The following TAL1 variants were observed in gnomAD, a reference collection of about 807,000 sequenced individuals.
TAL1 encodes T-cell acute lymphocytic leukemia protein 1.
In TAL1, 8 loss-of-function variants were observed where a neutral mutation model predicts 17.9. The observed-to-expected ratio is 0.45, with a 90% CI of 0.26 to 0.81. The LOEUF is 0.81. TAL1 is among the 30% of genes least tolerant of loss of function. TAL1 has a pLI of 0.17. For synonymous variants in TAL1, 223 were observed against 218.6 expected (o/e 1.02, Z -0.18); for missense variants, 466 against 486.9 (o/e 0.96, Z 0.40).
At position 47,221,011 on chromosome 1, in the gene TAL1, G is replaced by A. The variant is rs969491388; in HGVS notation, c.542-837C>T. On this transcript the variant is annotated intron_variant, in intron 3 of 3. Transcript: ENST00000294339. ...AGGAAGAAGAGTATCCAAGCCAAGGGAATGCACAGGCCCTGCACTAGACAA... is the reference window on the plus strand; with the variant it reads ...AGGAAGAAGAGTATCCAAGCCAAGGAAATGCACAGGCCCTGCACTAGACAA... Among the ~76,000 whole-genome samples the A allele has an allele frequency of 5.3e-5, 8 of 152,248 alleles. No individual in the cohort carries two copies. In the South Asian group the frequency reaches 1.7e-3, roughly 31 times the overall value.
At chr1:47,224,226 A>G in intron 2 of TAL1, 128 bp from the exon 4 acceptor site, 1 of 723,742 alleles carries the variant, frequency 1.4e-6, no homozygotes, top group East Asian at 2.6e-5. Context: ...TTCACACTTG[A>G]GCTGGGAATA....
chr1:47,224,443 A>T (rs1643878113), intron 2 of TAL1, among the ~76,000 whole-genome samples: 1 of 151,948 alleles, frequency 6.6e-6, no homozygotes. Context: ...ACAGATAGAA[A>T]CACTCTCCAT....
At position 47,225,809 on chromosome 1, in the gene TAL1, G is replaced by A. The variant is rs200636503; in HGVS notation, c.80C>T (p.Ala27Val). ...GTTCAGCAGGACCAGGTGCGGGGGGGCCATGCTGGCCTCGGCCGCGTCCCG... is the reference window on the plus strand; with the variant it reads ...GTTCAGCAGGACCAGGTGCGGGGGGACCATGCTGGCCTCGGCCGCGTCCCG... The change falls in exon 2 of 4, where the codon GCC becomes GTC. Residue 27 changes from alanine to valine, a missense_variant. Ala to Val is a moderately conservative substitution (Grantham distance 64). Around this residue, in one of 5 missense-constraint regions of TAL1, gnomAD observed 130 missense variants for 119.5 expected, o/e 1.09. Transcript: ENST00000294339. 19 of 1,574,650 alleles carry A rather than the reference G, an allele frequency of 1.2e-5. No homozygotes were observed. In the South Asian group the frequency reaches 1.9e-4, roughly 16 times the overall value.
At chr1:47,226,063 C>T (rs191992248) in intron 1 of TAL1, 174 bp from the exon 3 acceptor site, 6 of 242,142 alleles carry the variant, frequency 2.5e-5, no homozygotes, top group Admixed American at 6.6e-5. Flanking sequence ...CCGGTTGGGG[C>T]TAGGGTGGGA....
At chr1:47,225,030 C>T (rs1643885825) in intron 2 of TAL1, among the ~76,000 whole-genome samples, 1 of 151,932 alleles carries the variant, frequency 6.6e-6, no homozygotes, top group Non-Finnish European at 1.5e-5. Flanking sequence ...AATTTCACAC[C>T]ACAAACATCT....
Position 47,225,891 on chromosome 1 carries a change from T to G in TAL1, c.-1-2A>C. 1 of 1,543,176 alleles carries G rather than the reference T, an allele frequency of 6.5e-7. No individual in the cohort carries two copies. Among genetic ancestry groups the G allele is most frequent in the African/African-American group, 1.4e-5 (1 of 70,822 alleles). ...TCGCTCGGCGGCCGCTCGGTCATCCTGTGGGCAGACAGACAGACAAGCGGA... is the reference window on the plus strand; with the variant it reads ...TCGCTCGGCGGCCGCTCGGTCATCCGGTGGGCAGACAGACAGACAAGCGGA... On this transcript the variant is annotated splice_acceptor_variant, in intron 1 of 3. Transcript: ENST00000294339. LOFTEE classifies it low-confidence loss of function (5UTR_SPLICE).
chr1:47,216,326 A>T (rs1037252160), exon 4 of TAL1: 2 of 215,688 alleles, frequency 9.3e-6, no homozygotes, highest in Admixed American at 1.2e-4. Context: ...AATCTTCCCG[A>T]TACATCCTCA....
intron 2 of TAL1, 62 bp from the exon 4 acceptor site, chr1:47,224,160 C>A: frequency 6.5e-7 from 1 of 1,543,872 alleles, no homozygotes; most frequent in Non-Finnish European, 8.9e-7. Flanking sequence ...AAAGAGCTTC[C>A]TTAGGGATCC....
exon 4 of TAL1, chr1:47,219,650 C>T (rs1645570393): frequency 1.9e-6 from 3 of 1,591,872 alleles, no homozygotes; most frequent in Non-Finnish European, 2.6e-6. Context: ...TCTCACCCCA[C>T]CTGCCCTGAA....
exon 2 of TAL1, chr1:47,225,517 G>A: frequency 1.6e-6 from 2 of 1,237,170 alleles, no homozygotes; most frequent in Non-Finnish European, 1.0e-6. Flanking sequence ...CAGCCAGCGC[G>A]GGAGGACTCA....
chr1:47,219,789 C>T lies in TAL1; in HGVS notation c.927G>A (p.Ala309=). ...GGAGGCTGCGGGCCGTGTGCTTGGGCGCGGGCTCCTCCGTGTAGCTGTCCG... is the reference window on the plus strand; with the variant it reads ...GGAGGCTGCGGGCCGTGTGCTTGGGTGCGGGCTCCTCCGTGTAGCTGTCCG... The change falls in exon 4 of 4, where the codon GCG becomes GCA. Residue 309 remains alanine (A), a synonymous_variant. Coordinates refer to ENST00000294339, the Ensembl canonical transcript of TAL1. 1.9e-6 allele frequency: 3 copies of T among 1,611,746 alleles called. No individual in the cohort carries two copies. In the South Asian group the frequency reaches 3.3e-5, roughly 18 times the overall value.
intron 2 of TAL1, among the ~76,000 whole-genome samples, chr1:47,224,771 TTTCTA>T (rs1163118660): frequency 7.2e-5 from 11 of 152,080 alleles, no homozygotes; most frequent in Non-Finnish European, 1.2e-4. Context: ...CATCTGCCGG[TTTCTA>T]TTCCAACCCT....
At chr1:47,217,588 G>C (rs1020931825) in exon 4 of TAL1, 3 of 398,474 alleles carry the variant, frequency 7.5e-6, no homozygotes, top group Non-Finnish European at 1.3e-5. Context: ...AGTTCTTTAC[G>C]TTCTCAAAAC....
exon 4 of TAL1, chr1:47,216,902 T>G (rs946113937): frequency 4.3e-6 from 1 of 232,028 alleles, no homozygotes; most frequent in Admixed American, 5.6e-5. Context: ...GATAAGGTCA[T>G]GGGGTACAGA....
At chr1:47,219,514 T>G in exon 4 of TAL1, 1 of 808,720 alleles carries the variant, frequency 1.2e-6, no homozygotes, top group Non-Finnish European at 2.1e-6. Flanking sequence ...ACCACTTTGC[T>G]CCATTTTTCT....
chr1:47,225,690 C>T, exon 2 of TAL1: 4 of 1,431,176 alleles, frequency 2.8e-6, no homozygotes, highest in Non-Finnish European at 3.6e-6. Flanking sequence ...GCGCCGCCCC[C>T]ACCGGCAGGG....
At chr1:47,219,947 C>A in exon 4 of TAL1, 1 of 1,470,744 alleles carries the variant, frequency 6.8e-7, no homozygotes, top group Non-Finnish European at 9.1e-7. Flanking sequence ...GGGTCCTTGC[C>A]AGTCTTGGCC....
intron 1 of TAL1, among the ~76,000 whole-genome samples, chr1:47,226,584 A>C (rs1278097458): frequency 2.6e-5 from 4 of 152,186 alleles, no homozygotes; most frequent in Non-Finnish European, 5.9e-5. Flanking sequence ...GTCTGTCTAC[A>C]CTGAGCAAAT....
exon 2 of TAL1, chr1:47,225,568 C>A: frequency 7.8e-7 from 1 of 1,280,994 alleles, no homozygotes; most frequent in Non-Finnish European, 9.8e-7. Flanking sequence ...CCGCTGTAAC[C>A]GAGGCGGGCG....
Sources: allele counts gnomAD v4.1 joint callset (sites outside exome capture counted in the v4.1 genomes callset), GRCh38; gene constraint gnomAD v4.1.1; regional missense constraint gnomAD v4.1.1; transcripts MANE v1.5; gene names NCBI Gene and HGNC (gene_info 2026-07-23, HGNC 2026-07-21).